PLXNA2: variants seen among roughly 807,000 people sequenced by gnomAD.
PLXNA2 encodes plexin A2, also known as plexin-A2.
PLXNA2 carries 91 observed loss-of-function variants against 193.5 expected under a neutral mutation model. The ratio of observed to expected loss-of-function variants is 0.47; its 90% CI spans 0.40 to 0.56. PLXNA2 has a LOEUF of 0.56. Ranked by LOEUF, PLXNA2 falls within the 20% of genes least tolerant of loss-of-function variation. The pLI is 0.00. For missense variants in PLXNA2, 1,995 were observed against 2,503.2 expected (o/e 0.80, Z 4.33); for synonymous variants, 997 against 1,027.3 (o/e 0.97, Z 0.56).
At chr1:208,088,449 G>T (rs1571902613) in intron 9 of PLXNA2, among the ~76,000 whole-genome samples, 1 of 152,364 alleles carries the variant, frequency 6.6e-6, no homozygotes, top group East Asian at 1.9e-4. Flanking sequence ...CTTTCCCCTG[G>T]GACAGGGCAT....
intron 3 of PLXNA2, among the ~76,000 whole-genome samples, chr1:208,152,668 T>TACACACACACACGC (rs1427895680): frequency 9.4e-5 from 13 of 137,654 alleles, no homozygotes; most frequent in East Asian, 8.5e-4. Context: ...TGCATACACA[T>TACACACACACACGC]ACACACACAC....
Position 208,096,804 on chromosome 1 carries a change from C to G in PLXNA2, c.1811G>C (p.Gly604Ala), listed in dbSNP as rs1328924354. ...GATGACCTGGCTCCCGGACACCTGC[C>G]CCTCCACCTCTGTCAGGTTCCCAAA... Reference protein sequence around the residue: ...CAFGNLTEVEGQVSGSQVICI... With the variant: ...CAFGNLTEVEAQVSGSQVICI... The change falls in exon 7 of 32, where the codon GGG becomes GCG. Residue 604 changes from glycine (G) to alanine (A), a missense_variant. Gly to Ala is a moderately conservative substitution (Grantham distance 60). Around this residue, in one of 3 missense-constraint regions of PLXNA2, gnomAD observed 702 missense variants for 812.9 expected, o/e 0.86. Transcript: ENST00000367033. The G allele has an allele frequency of 6.2e-7, 1 of 1,614,052 alleles. No homozygotes were observed. The highest frequency in any genetic ancestry group is 1.3e-5 in the African/African-American group (1 of 75,000).
At chr1:208,167,816 C>T (rs934379436) in intron 3 of PLXNA2, among the ~76,000 whole-genome samples, 1 of 152,292 alleles carries the variant, frequency 6.6e-6, no homozygotes, top group South Asian at 2.1e-4. Flanking sequence ...AGATCCCTGT[C>T]GTTGAAACCC....
chr1:208,068,063 G>A (rs1665854237), intron 12 of PLXNA2, among the ~76,000 whole-genome samples: 1 of 152,070 alleles, frequency 6.6e-6, no homozygotes, highest in Non-Finnish European at 1.5e-5. Flanking sequence ...ACACCTCCAG[G>A]ACCACAATTG....
chr1:208,216,690 C>T (rs1671138583), intron 2 of PLXNA2, 45 bp downstream of exon 2: 2 of 1,571,178 alleles, frequency 1.3e-6, no homozygotes, highest in African/African-American at 1.3e-5. Context: ...AAGGTTGGAA[C>T]CTGTGTCATG....
At chr1:208,184,038 G>A (rs1310895150) in intron 3 of PLXNA2, among the ~76,000 whole-genome samples, 3 of 152,182 alleles carry the variant, frequency 2.0e-5, no homozygotes, top group Non-Finnish European at 4.4e-5. Context: ...GTATTGAACA[G>A]CACAGATATA....
chr1:208,240,303 C>T (rs1397167718), intron 1 of PLXNA2, among the ~76,000 whole-genome samples: 8 of 152,292 alleles, frequency 5.3e-5, no homozygotes, highest in East Asian at 3.9e-4. Flanking sequence ...CCCAGGAGGA[C>T]GGGGATATCC....
At chr1:208,103,347 TC>T in intron 4 of PLXNA2, 100 bp from the exon 5 acceptor site, 1 of 865,666 alleles carries the variant, frequency 1.2e-6, no homozygotes. Context: ...CACTGTCAAC[TC>T]CCCTAAAGAG....
In PLXNA2 at chr1:208,045,927, C is replaced by G; in HGVS notation, c.3446G>C (p.Ser1149Thr). Residue 1149 changes from serine to threonine, a missense_variant, in exon 18 of 32, where the codon AGC becomes ACC. By Grantham distance (58) the Ser-to-Thr change is moderately conservative (BLOSUM62 1). Around this residue, in one of 3 missense-constraint regions of PLXNA2, gnomAD observed 1,291 missense variants for 1,673.6 expected, o/e 0.77. Coordinates refer to ENST00000367033, the MANE Select transcript of PLXNA2 (RefSeq NM_025179.4). ...YYPNPTFELLSPTGVLDQKPG... is the reference protein window; with the variant it reads ...YYPNPTFELLTPTGVLDQKPG... ...CTTTTGATCCAAGACTCCAGTAGGG[C>G]TAAGCAGTTCAAAGGTCGGGTTGGG... 6.2e-7 allele frequency: 1 copy of G among 1,614,262 alleles called. No homozygotes were observed. The highest frequency in any genetic ancestry group is 1.6e-4 in the Middle Eastern group (1 of 6,062).
intron 2 of PLXNA2, among the ~76,000 whole-genome samples, chr1:208,214,811 C>A (rs1285390769): frequency 6.6e-6 from 1 of 152,158 alleles, no homozygotes; most frequent in African/African-American, 2.4e-5. Flanking sequence ...ATTTCCATCT[C>A]ACAGATAAGA....
At position 208,045,734 on chromosome 1, in the gene PLXNA2, G is replaced by A. The variant is rs933387650; in HGVS notation, c.3495+144C>T. The A allele has an allele frequency of 4.2e-6, 4 of 960,188 alleles. No individual in the cohort carries two copies. In the African/African-American group the frequency reaches 6.5e-5, roughly 16 times the overall value. 59.5% of individuals were successfully genotyped at this position (960,188 alleles called of 1,614,324 possible). On this transcript the variant is annotated intron_variant, in intron 18 of 31. Coordinates refer to ENST00000367033, the MANE Select transcript of PLXNA2 (RefSeq NM_025179.4). ...CTGATGGGTCGATATCTACCCATGA[G>A]CTCCTTCTGTAGGAAGGAGACAGCT...
intron 1 of PLXNA2, among the ~76,000 whole-genome samples, chr1:208,241,923 T>G (rs971354950): frequency 4.6e-5 from 7 of 152,160 alleles, no homozygotes; most frequent in Non-Finnish European, 8.8e-5. Context: ...GTTTCCTTGG[T>G]TCCCTACCCT....
chr1:208,055,900 G>A (rs1410478555), intron 13 of PLXNA2, among the ~76,000 whole-genome samples: 1 of 152,142 alleles, frequency 6.6e-6, no homozygotes, highest in Non-Finnish European at 1.5e-5. Context: ...TTACGTTTTA[G>A]CATATTAGAT....
intron 9 of PLXNA2, among the ~76,000 whole-genome samples, chr1:208,089,251 G>T (rs1189911458): frequency 2.0e-5 from 3 of 152,128 alleles, no homozygotes; most frequent in African/African-American, 7.2e-5. Context: ...AGATGGATTT[G>T]TGCTGGCCCA....
At chr1:208,218,639 T>C (rs563098919) in intron 1 of PLXNA2, among the ~76,000 whole-genome samples, 2 of 152,336 alleles carry the variant, frequency 1.3e-5, no homozygotes, top group East Asian at 3.9e-4. Context: ...GAAGAACCCC[T>C]GATCACTAGC....
intron 6 of PLXNA2, among the ~76,000 whole-genome samples, chr1:208,098,130 C>T (rs1050769647): frequency 2.6e-5 from 4 of 152,150 alleles, no homozygotes; most frequent in Admixed American, 6.5e-5. Context: ...GCCCCAGTTT[C>T]GTTTCCATGG....
intron 3 of PLXNA2, 77 bp from the exon 4 acceptor site, chr1:208,142,540 G>C: frequency 7.1e-7 from 1 of 1,411,508 alleles, no homozygotes; most frequent in Non-Finnish European, 9.4e-7. Flanking sequence ...GCCCAGAGCA[G>C]GTAGCTTACA....
At chr1:208,162,866 C>T (rs560956350) in intron 3 of PLXNA2, among the ~76,000 whole-genome samples, 75 of 152,334 alleles carry the variant, frequency 4.9e-4, no homozygotes, top group African/African-American at 1.7e-3. Context: ...ACATTCACCA[C>T]TGTGCACACT....
In PLXNA2 at chr1:208,023,330, A is replaced by T. The variant is rs1224445085; in HGVS notation, c.*3913T>A. ...ATCAGTATTTACCAGGAGCAGGTTAATGGGGGCAGGCGTGGCAACCGGGAT... is the reference window on the plus strand; with the variant it reads ...ATCAGTATTTACCAGGAGCAGGTTATTGGGGGCAGGCGTGGCAACCGGGAT... On this transcript the variant is annotated 3_prime_UTR_variant, in exon 32 of 32. Transcript: ENST00000367033. 1 of 152,684 alleles carries T rather than the reference A, an allele frequency of 6.5e-6. No individual in the cohort carries two copies. Among genetic ancestry groups the T allele is most frequent in the Non-Finnish European group, 1.5e-5 (1 of 68,110 alleles). The allele number at this position is 152,684 out of a possible 1,614,324, so 9.5% of individuals were successfully genotyped here.
Sources: gnomAD v4.1 joint callset for allele counts (sites outside exome capture counted in the v4.1 genomes callset) on GRCh38, gnomAD v4.1.1 for gene constraint, gnomAD v4.1.1 regional missense constraint, MANE v1.5 for transcripts, NCBI Gene and HGNC (gene_info 2026-07-23, HGNC 2026-07-21) for gene names.